ZC3H12B: variants seen among roughly 807,000 people sequenced by gnomAD.
The protein encoded by ZC3H12B is probable ribonuclease ZC3H12B.
Under a neutral mutation model 43.9 loss-of-function variants are expected in ZC3H12B, and 7 were observed. The observed-to-expected ratio is 0.16, with a 90% CI of 0.09 to 0.30. The LOEUF (loss-of-function observed/expected upper bound fraction) is 0.30. ZC3H12B is among the 10% of genes least tolerant of loss of function. The pLI, the probability that ZC3H12B is intolerant of heterozygous loss-of-function variation, is 1.00. For missense variants in ZC3H12B, 475 were observed against 670.2 expected (o/e 0.71, Z 3.22); for synonymous variants, 222 against 241.7 (o/e 0.92, Z 0.76).
At chrX:65,286,747 T>A in the ZC3H12B span, among the ~76,000 whole-genome samples, 8 of 110,214 alleles carry the variant, frequency 7.3e-5, no homozygotes, top group Non-Finnish European at 1.5e-4. Context: ...AAAATATATT[T>A]ATTTTAAGAC....
chrX:65,105,239 A>C, the ZC3H12B span, among the ~76,000 whole-genome samples: 56 of 108,204 alleles, frequency 5.2e-4, no homozygotes, highest in Non-Finnish European at 9.0e-4. Flanking sequence ...AACATCACAC[A>C]TCAGGGCCTG....
chrX:65,098,254 A>ACACACACACACG, the ZC3H12B span, among the ~76,000 whole-genome samples: 1 of 110,554 alleles, frequency 9.0e-6, no homozygotes, highest in African/African-American at 3.3e-5. Flanking sequence ...ACACACACAC[A>ACACACACACACG]CACACAACTG....
At chrX:65,170,529 T>G in the ZC3H12B span, among the ~76,000 whole-genome samples, 1 of 111,404 alleles carries the variant, frequency 9.0e-6, no homozygotes. Context: ...TGCTCTTCTC[T>G]AGGAGTATCT....
the ZC3H12B span, among the ~76,000 whole-genome samples, chrX:65,100,735 A>T: frequency 9.1e-6 from 1 of 110,400 alleles, no homozygotes; most frequent in African/African-American, 3.3e-5. Context: ...ATACAGGAGC[A>T]CCCAGATTCA....
the ZC3H12B span, among the ~76,000 whole-genome samples, chrX:65,158,185 C>G: frequency 6.9e-3 from 749 of 108,723 alleles, 6 homozygotes; most frequent in African/African-American, 0.018. Flanking sequence ...TTGGACATTT[C>G]GGTTGGTTCC....
intron 2 of ZC3H12B, among the ~76,000 whole-genome samples, chrX:65,375,896 C>T (rs1165257408): frequency 9.0e-6 from 1 of 111,709 alleles, no homozygotes; most frequent in Non-Finnish European, 1.9e-5. Context: ...GAGACTCCTC[C>T]TACTTGAGAA....
the ZC3H12B span, among the ~76,000 whole-genome samples, chrX:65,082,788 G>C: frequency 1.8e-5 from 2 of 110,799 alleles, no homozygotes; most frequent in African/African-American, 6.6e-5. Flanking sequence ...ACCAAAACCA[G>C]ACAAAGACAT....
At chrX:65,120,962 G>A in the ZC3H12B span, among the ~76,000 whole-genome samples, 1 of 111,293 alleles carries the variant, frequency 9.0e-6, no homozygotes, top group Non-Finnish European at 1.9e-5. Context: ...TTATTGATTT[G>A]CATATGTTGA....
At chrX:65,461,558 G>C (rs188083668) in intron 3 of ZC3H12B, among the ~76,000 whole-genome samples, 1 of 111,743 alleles carries the variant, frequency 8.9e-6, no homozygotes. Context: ...TGTAGGGACA[G>C]GGATGAAGCT....
chrX:65,388,252 A>C (rs189720656), intron 2 of ZC3H12B, among the ~76,000 whole-genome samples: 1 of 111,815 alleles, frequency 8.9e-6, no homozygotes, highest in Non-Finnish European at 1.9e-5. Flanking sequence ...ACTTGGTTCC[A>C]TTCTCCCCGT....
At chrX:65,423,121 T>A (rs1468610351) in intron 3 of ZC3H12B, among the ~76,000 whole-genome samples, 2 of 109,031 alleles carry the variant, frequency 1.8e-5, no homozygotes, top group African/African-American at 6.7e-5. Flanking sequence ...TTAGTAGAGA[T>A]GGGGTTTCAC....
intron 3 of ZC3H12B, among the ~76,000 whole-genome samples, chrX:65,434,936 GA>G (rs1426159982): frequency 9.1e-6 from 1 of 110,442 alleles, no homozygotes; most frequent in African/African-American, 3.3e-5. Flanking sequence ...CTGGAAAAAA[GA>G]AAAAAAGGGC....
intron 2 of ZC3H12B, among the ~76,000 whole-genome samples, chrX:65,392,304 C>G (rs2066630197): frequency 1.8e-5 from 2 of 111,315 alleles, no homozygotes; most frequent in African/African-American, 6.5e-5. Flanking sequence ...GGCCGTCATC[C>G]CTTCTGTGAA....
the ZC3H12B span, among the ~76,000 whole-genome samples, chrX:65,175,603 G>A: frequency 8.9e-6 from 1 of 112,088 alleles, no homozygotes; most frequent in Non-Finnish European, 1.9e-5. Flanking sequence ...TGGCCGAATA[G>A]GAACAGCTCT....
At chrX:65,498,175 G>A (rs898432034) in intron 2 of ZC3H12B, among the ~76,000 whole-genome samples, 1 of 111,959 alleles carries the variant, frequency 8.9e-6, no homozygotes, top group African/African-American at 3.2e-5. Context: ...AAAGTGCTAG[G>A]ATTACAGGCA....
At chrX:65,248,708 G>A in the ZC3H12B span, among the ~76,000 whole-genome samples, 1 of 111,840 alleles carries the variant, frequency 8.9e-6, no homozygotes, top group South Asian at 3.8e-4. Flanking sequence ...CAGTGTAGAA[G>A]TGTTCCCTGT....
intron 3 of ZC3H12B, among the ~76,000 whole-genome samples, chrX:65,455,223 C>T: frequency 9.0e-6 from 1 of 111,656 alleles, no homozygotes; most frequent in Non-Finnish European, 1.9e-5. Flanking sequence ...AAGTTAAAAA[C>T]CTTGAAAAAA....
the ZC3H12B span, among the ~76,000 whole-genome samples, chrX:65,055,317 G>A: frequency 9.0e-6 from 1 of 111,602 alleles, no homozygotes; most frequent in Non-Finnish European, 1.9e-5. Context: ...TTTTGTCAAA[G>A]GCCTTTTCTG....
the ZC3H12B span, among the ~76,000 whole-genome samples, chrX:65,191,504 A>C: frequency 9.8e-6 from 1 of 102,014 alleles, no homozygotes; most frequent in Non-Finnish European, 1.9e-5. Context: ...TCAGAGATTC[A>C]ACTTCTTCCT....
Sources: allele counts gnomAD v4.1 joint callset (sites outside exome capture counted in the v4.1 genomes callset), GRCh38; gene constraint gnomAD v4.1.1; transcripts MANE v1.5; gene names NCBI Gene and HGNC (gene_info 2026-07-23, HGNC 2026-07-21).